The following COL6A2 variants were observed in gnomAD, a reference collection of about 807,000 sequenced individuals.
COL6A2 encodes the protein collagen type VI alpha 2 chain, also known as collagen alpha-2(VI) chain.
COL6A2 carries 90 observed loss-of-function variants against 124.9 expected under a neutral mutation model. That is an observed-to-expected ratio of 0.72 (90% CI 0.61 to 0.86). The LOEUF (loss-of-function observed/expected upper bound fraction) is 0.86, where lower values mean the gene tolerates loss of function less well. COL6A2 is among the 40% of genes least tolerant of loss of function. COL6A2 has a pLI of 0.00. For synonymous variants in COL6A2, 793 were observed against 618.2 expected (o/e 1.28, Z -4.19); for missense variants, 1,607 against 1,502.5 (o/e 1.07, Z -1.15).
In COL6A2 at chr21:46,126,093, G is replaced by T; in HGVS notation, c.2278G>T (p.Gly760Trp). 1.2e-6 allele frequency: 2 copies of T among 1,612,848 alleles called. No individual in the cohort carries two copies. Among genetic ancestry groups the T allele is most frequent in the East Asian group, 2.2e-5 (1 of 44,872 alleles). Residue 760 changes from glycine to tryptophan, a missense_variant, in exon 26 of 28, where the codon GGG becomes TGG. Physicochemically the swap from Gly to Trp is radical, Grantham distance 184. Coordinates refer to ENST00000300527, the MANE Select transcript of COL6A2 (RefSeq NM_001849.4). ...CGTCACAGTGACGGCCATCGGCATC[G>T]GGGACATGTTCCACGAGAAGCACGA... is the stretch of plus-strand genomic sequence containing the variant. ...RDVTVTAIGI[G>W]DMFHEKHESE...
Position 46,124,806 on chromosome 21 carries a change from A to G in COL6A2, c.1735-79A>G, listed in dbSNP as rs2078633897. The G allele has an allele frequency of 3.1e-6, 5 of 1,598,142 alleles. No individual in the cohort carries two copies. The Admixed American group carries it at 8.3e-5, about 27-fold the overall frequency. On this transcript the variant is annotated intron_variant, in intron 22 of 27. Coordinates refer to ENST00000300527, the MANE Select transcript of COL6A2 (RefSeq NM_001849.4). ...GGTTCTGCCCACGGTGGACCCACGTATCAGTGGGCAGTGGCCTGGGAGAGA... is the reference window on the plus strand; with the variant it reads ...GGTTCTGCCCACGGTGGACCCACGTGTCAGTGGGCAGTGGCCTGGGAGAGA...
chr21:46,121,684 G>A, intron 18 of COL6A2, 66 bp downstream of exon 18: 1 of 1,535,186 alleles, frequency 6.5e-7, no homozygotes, highest in South Asian at 1.1e-5. Context: ...AGCAGGACAG[G>A]GGGCCGGCCT....
Position 46,122,582 on chromosome 21 carries a change from G to A in COL6A2, c.1608+51G>A, listed in dbSNP as rs371018639. The A allele has an allele frequency of 2.7e-4, 431 of 1,590,920 alleles. 2 individuals carry two copies. In the East Asian group the frequency reaches 3.6e-3, roughly 13 times the overall value. On this transcript the variant is annotated intron_variant, in intron 20 of 27. Transcript: ENST00000300527. ...GCCCACCCAGGGTGGGGGTCTGCAC[G>A]CCCAATTGCTGGGAACACAATGCCC...
rs1213478269 is a variant in COL6A2, at chr21:46,132,131, T to C, written c.2639T>C (p.Leu880Pro). The change falls in exon 28 of 28, where the codon CTG becomes CCG. Residue 880 changes from leucine (L) to proline (P), a missense_variant. Transcript: ENST00000300527. ...CCTCTCAACGCACGCGTGGCGCTGC[T>C]GCAGTTTGGTGGCCCCGGCGAGCAG... Reference protein sequence around the residue: ...DDPLNARVALLQFGGPGEQQV... With the variant: ...DDPLNARVALPQFGGPGEQQV... 1 of 1,577,360 alleles carries C rather than the reference T, an allele frequency of 6.3e-7. No homozygotes were observed. The highest frequency in any genetic ancestry group is 8.6e-7 in the Non-Finnish European group (1 of 1,164,106).
At chr21:46,099,320 G>A (rs943353635) in intron 1 of COL6A2, among the ~76,000 whole-genome samples, 21 of 152,118 alleles carry the variant, frequency 1.4e-4, no homozygotes, top group Admixed American at 2.6e-4. Flanking sequence ...GCCGGGCGTG[G>A]TGGCAGGCAC....
At chr21:46,106,104 G>C (rs1003398022) in intron 1 of COL6A2, among the ~76,000 whole-genome samples, 2 of 152,092 alleles carry the variant, frequency 1.3e-5, no homozygotes, top group African/African-American at 4.8e-5. Context: ...AGACAAGATA[G>C]GCTTTAAATC....
Position 46,122,535 on chromosome 21 carries a change from T to G in COL6A2, c.1608+4T>G, listed in dbSNP as rs201756065. 3.1e-6 allele frequency: 5 copies of G among 1,612,584 alleles called. No individual in the cohort carries two copies. The highest frequency in any genetic ancestry group is 3.3e-5 in the Admixed American group (2 of 60,006). The stretch of plus-strand genomic sequence containing the variant: ...GCCCGGCCCACGCGGCCCCGAGGTA[T>G]GTGTGGGTCCTGGCCACCTGTGCCC... On this transcript the variant is annotated splice_donor_region_variant and intron_variant, in intron 20 of 27. Transcript: ENST00000300527.
At position 46,112,463 on chromosome 21, in the gene COL6A2, C is replaced by T. The variant is rs768273582; in HGVS notation, c.600C>T (p.Gly200=). 1.8e-5 allele frequency: 29 copies of T among 1,610,770 alleles called. No individual in the cohort carries two copies. Among genetic ancestry groups the T allele is most frequent in the Non-Finnish European group, 2.3e-5 (27 of 1,179,760 alleles). ...CCAACCAGAACCTGAAGGAGCAGGGCCTGCGGGACATCGCCAGCACGCCGC... is the reference window on the plus strand; with the variant it reads ...CCAACCAGAACCTGAAGGAGCAGGGTCTGCGGGACATCGCCAGCACGCCGC... The part of the protein sequence containing the change: ...VAPNQNLKEQ[G]LRDIASTPHE... The change falls in exon 3 of 28, where the codon GGC becomes GGT. Residue 200 remains glycine, a synonymous_variant. Coordinates refer to ENST00000300527, the MANE Select transcript of COL6A2 (RefSeq NM_001849.4).
chr21:46,122,256 C>A, intron 19 of COL6A2, 98 bp downstream of exon 19: 1 of 1,417,326 alleles, frequency 7.1e-7, no homozygotes, highest in Non-Finnish European at 9.8e-7. Flanking sequence ...CTCCTCTGTG[C>A]AGAAGAAAGT....
intron 21 of COL6A2, among the ~76,000 whole-genome samples, chr21:46,124,206 G>A (rs1454374606): frequency 2.0e-5 from 3 of 149,968 alleles, no homozygotes; most frequent in Admixed American, 6.6e-5. Flanking sequence ...GGGTTAGTGG[G>A]TGGCTGGGTG....
intron 20 of COL6A2, 66 bp downstream of exon 20, chr21:46,122,597 A>G (rs1314896231): frequency 1.9e-6 from 3 of 1,549,852 alleles, no homozygotes; most frequent in South Asian, 1.1e-5. Flanking sequence ...ATTGCTGGGA[A>G]CACAATGCCC....
rs754900547 is a variant in COL6A2, at chr21:46,126,540, A to C, written c.2460A>C (p.Thr820=). 7.9e-5 allele frequency: 127 copies of C among 1,613,254 alleles called. No homozygotes were observed. Among genetic ancestry groups the C allele is most frequent in the Non-Finnish European group, 1.0e-4 (119 of 1,179,904 alleles). ...TGTGCCCAGACCTTCCCTGCCAAAC[A>C]GGTAATGCAGGGCACCCTGAGCCAC... ...QIVCPDLPCQ[T]ELSVAQCTQR... is the part of the protein sequence containing the mutation. Residue 820 remains threonine, a splice_region_variant and synonymous_variant, in exon 27 of 28, where the codon ACA becomes ACC. Coordinates refer to ENST00000300527, the MANE Select transcript of COL6A2 (RefSeq NM_001849.4).
intron 21 of COL6A2, 147 bp downstream of exon 21, chr21:46,123,084 G>T: frequency 1.2e-6 from 1 of 804,752 alleles, no homozygotes; most frequent in South Asian, 1.4e-5. Context: ...TAAAGGGAAC[G>T]GCTGGCTCAG....
intron 16 of COL6A2, 58 bp downstream of exon 16, chr21:46,120,635 G>GCTGCACCCCAAGGTAGGGTGGCCGGGA (rs538484051): frequency 2.9e-6 from 4 of 1,385,112 alleles, no homozygotes; most frequent in Non-Finnish European, 3.8e-6. Context: ...GTGCAGGGGG[G>GCTGCACCCCAAGGTAGGGTGGCCGGGA]CTGCACCCCA....
Position 46,116,185 on chromosome 21 carries a change from A to G in COL6A2, c.900+132A>G. The G allele has an allele frequency of 1.7e-6, 2 of 1,166,640 alleles. No homozygotes were observed. The highest frequency in any genetic ancestry group is 2.5e-6 in the Non-Finnish European group (2 of 800,406). 72.3% of individuals were successfully genotyped at this position (1,166,640 alleles called of 1,614,324 possible). A position where few individuals can be genotyped will look rare whatever the true frequency, so the allele number is the denominator to read the frequency against. Reference sequence around the variant, plus strand: ...GTTACCAAGGAACAGAAGCACCTCGATAACTTGATGGCCGTCCCAAAACCC... The same window carrying G: ...GTTACCAAGGAACAGAAGCACCTCGGTAACTTGATGGCCGTCCCAAAACCC... On this transcript the variant is annotated intron_variant, in intron 7 of 27. Transcript: ENST00000300527. This position sits in a 1 kb window ranked among gnomAD's most constrained non-coding sequence, Gnocchi z 4.6.
intron 21 of COL6A2, 41 bp from the exon 22 acceptor site, chr21:46,124,610 C>T (rs780095089): frequency 1.2e-6 from 2 of 1,601,882 alleles, no homozygotes; most frequent in Non-Finnish European, 1.7e-6. Flanking sequence ...AGGGACTGTC[C>T]CTGGGGCCAC....
chr21:46,122,450 A>C (rs1432443074), intron 19 of COL6A2, 46 bp from the exon 20 acceptor site: 1 of 1,611,634 alleles, frequency 6.2e-7, no homozygotes, highest in East Asian at 2.2e-5. Context: ...AGGAAGGAGC[A>C]CTGGGATCTG....
At chr21:46,131,042 C>T (rs1413435611) in intron 27 of COL6A2, among the ~76,000 whole-genome samples, 1 of 152,214 alleles carries the variant, frequency 6.6e-6, no homozygotes, top group African/African-American at 2.4e-5. Flanking sequence ...GGGTCAGGGT[C>T]CTCTGTGTGC....
chr21:46,109,212 C>T (rs2078368287), intron 1 of COL6A2, among the ~76,000 whole-genome samples: 1 of 152,092 alleles, frequency 6.6e-6, no homozygotes, highest in African/African-American at 2.4e-5. Context: ...GAGGGTAGCT[C>T]CTCTCTGCAG....
Sources: allele counts gnomAD v4.1 joint callset (sites outside exome capture counted in the v4.1 genomes callset), GRCh38; gene constraint gnomAD v4.1.1; non-coding constraint Gnocchi (gnomAD v3.1); transcripts MANE v1.5; gene names NCBI Gene and HGNC (gene_info 2026-07-23, HGNC 2026-07-21).